Variants in DNAJC5B observed in about 807,000 individuals in gnomAD.
The protein encoded by DNAJC5B is dnaJ homolog subfamily C member 5B.
A neutral mutation model predicts 24.7 loss-of-function variants in DNAJC5B; 23 were observed. The observed-to-expected ratio is 0.93, with a 90% CI of 0.67 to 1.32. The LOEUF (loss-of-function observed/expected upper bound fraction) is 1.32, where lower values mean the gene tolerates loss of function less well. DNAJC5B is among the 40% of genes most tolerant of loss of function. The pLI is 0.00. For missense variants in DNAJC5B, 238 were observed against 240.8 expected (o/e 0.99, Z 0.08); for synonymous variants, 101 against 90.1 (o/e 1.12, Z -0.68).
intron 2 of DNAJC5B, among the ~76,000 whole-genome samples, chr8:66,043,940 C>T (rs975042475): frequency 1.3e-4 from 19 of 151,406 alleles, no homozygotes; most frequent in African/African-American, 4.4e-4. Context: ...GATTCTCCTG[C>T]CTCAGCCTCC....
At chr8:66,090,181 C>A (rs775107174) in intron 5 of DNAJC5B, among the ~76,000 whole-genome samples, 1 of 151,822 alleles carries the variant, frequency 6.6e-6, no homozygotes, top group African/African-American at 2.4e-5. Flanking sequence ...GAGGGCTTTA[C>A]AGACCATCTT....
chr8:66,053,828 C>T (rs1806905165), intron 3 of DNAJC5B, among the ~76,000 whole-genome samples: 1 of 151,948 alleles, frequency 6.6e-6, no homozygotes, highest in African/African-American at 2.4e-5. Context: ...GGGGTTTCTC[C>T]ATGTTGGTCA....
intron 1 of DNAJC5B, among the ~76,000 whole-genome samples, chr8:66,033,230 G>A (rs1021915775): frequency 6.6e-6 from 1 of 152,226 alleles, no homozygotes; most frequent in Non-Finnish European, 1.5e-5. Context: ...GTCGGCACCT[G>A]TTTTGCATAT....
intron 5 of DNAJC5B, among the ~76,000 whole-genome samples, chr8:66,085,369 G>A (rs149873464): frequency 0.033 from 4,973 of 152,274 alleles, 123 homozygotes; most frequent in Middle Eastern, 0.082. Flanking sequence ...GAACCCGGGA[G>A]GCAGAGGTTG....
In DNAJC5B at chr8:66,045,633, C is replaced by A. The variant is rs182702693; in HGVS notation, c.-18+2022C>A. Among the ~76,000 whole-genome samples the A allele has an allele frequency of 8.7e-3, 1,314 of 151,616 alleles. 14 individuals are homozygous for A. The highest frequency in any genetic ancestry group is 0.012 in the Non-Finnish European group (826 of 68,004). On this transcript the variant is annotated intron_variant, in intron 2 of 5. Coordinates refer to ENST00000276570, the MANE Select transcript of DNAJC5B (RefSeq NM_033105.6). ...AAGGCCTGGGGCAGAGAAAGACAGGCTCCAGGCTGTTTCCAGGACTGTTCT... is the reference window on the plus strand; with the variant it reads ...AAGGCCTGGGGCAGAGAAAGACAGGATCCAGGCTGTTTCCAGGACTGTTCT...
chr8:66,038,344 C>G (rs2128957411), intron 1 of DNAJC5B, among the ~76,000 whole-genome samples: 1 of 152,312 alleles, frequency 6.6e-6, no homozygotes, highest in East Asian at 1.9e-4. Context: ...TTTAGCATTT[C>G]TTTCTCTTTC....
At chr8:66,086,131 T>C (rs1177289832) in intron 5 of DNAJC5B, among the ~76,000 whole-genome samples, 2 of 152,206 alleles carry the variant, frequency 1.3e-5, no homozygotes, top group East Asian at 1.9e-4. Flanking sequence ...TATATTGCCT[T>C]TGTATCCCAT....
rs35507342 is a variant in DNAJC5B, at chr8:66,042,597, CTCTTCT to C, written c.-141-869_-141-864del. Among the ~76,000 whole-genome samples, 623 of 144,970 alleles carry C rather than the reference CTCTTCT, an allele frequency of 4.3e-3. 4 individuals are homozygous for C. The highest frequency in any genetic ancestry group is 6.9e-3 in the Middle Eastern group (2 of 288). On this transcript the variant is annotated intron_variant, in intron 1 of 5. Transcript: ENST00000276570. Reference sequence around the variant, plus strand: ...TTGTTTGTGTTTCTTCTTCTTCTTCCTCTTCTTCTTCTTCTTCTTCTTCTTCTCCTT... The same window carrying C: ...TTGTTTGTGTTTCTTCTTCTTCTTCCTCTTCTTCTTCTTCTTCTTCTCCTT...
intron 5 of DNAJC5B, among the ~76,000 whole-genome samples, chr8:66,080,980 C>T (rs1007567567): frequency 6.6e-6 from 1 of 152,070 alleles, no homozygotes; most frequent in African/African-American, 2.4e-5. Context: ...GTCACCAACC[C>T]TTGACTTTGC....
At chr8:66,098,935 T>C (rs1410860981) in intron 5 of DNAJC5B, among the ~76,000 whole-genome samples, 2 of 152,238 alleles carry the variant, frequency 1.3e-5, no homozygotes, top group East Asian at 1.9e-4. Context: ...CTGCTGTTTA[T>C]ATTGGATCTT....
chr8:66,057,180 A>G (rs191981070), intron 3 of DNAJC5B: 83 of 152,292 alleles, frequency 5.5e-4, no homozygotes, highest in African/African-American at 1.9e-3. Flanking sequence ...AAAAAATTCA[A>G]CAAGTAACGA....
chr8:66,040,845 T>C (rs1406394115), intron 1 of DNAJC5B, among the ~76,000 whole-genome samples: 2 of 152,256 alleles, frequency 1.3e-5, no homozygotes, highest in African/African-American at 2.4e-5. Flanking sequence ...TACATGTTTA[T>C]AGATTTCAGC....
upstream of DNAJC5B, among the ~76,000 whole-genome samples, chr8:66,019,444 C>G (rs1283211212): frequency 6.6e-6 from 1 of 152,110 alleles, no homozygotes; most frequent in Non-Finnish European, 1.5e-5. Context: ...AAAGGGATTA[C>G]TTGTGATTTT....
chr8:66,088,823 T>A (rs1054254592), intron 5 of DNAJC5B, among the ~76,000 whole-genome samples: 2 of 152,140 alleles, frequency 1.3e-5, no homozygotes, highest in African/African-American at 4.8e-5. Context: ...ACTTCATTGT[T>A]CATATCACTA....
intron 4 of DNAJC5B, among the ~76,000 whole-genome samples, chr8:66,078,698 T>C (rs998818147): frequency 3.3e-5 from 5 of 152,110 alleles, no homozygotes; most frequent in African/African-American, 7.2e-5. Flanking sequence ...GGTGTTGTAG[T>C]TGTTTACAGA....
intron 5 of DNAJC5B, among the ~76,000 whole-genome samples, chr8:66,097,917 T>C (rs1807988762): frequency 6.6e-6 from 1 of 152,102 alleles, no homozygotes; most frequent in Non-Finnish European, 1.5e-5. Flanking sequence ...TGGCACAATC[T>C]TGGCTCACTG....
rs747425074 is a variant in DNAJC5B at position 66,099,990 on chromosome 8, C to T, written c.559C>T (p.Leu187=). 8 of 1,613,980 alleles carry T rather than the reference C, an allele frequency of 5.0e-6. No homozygotes were observed. Among genetic ancestry groups the T allele is most frequent in the Non-Finnish European group, 5.9e-6 (7 of 1,179,926 alleles). Residue 187 remains leucine (L), a synonymous_variant, in exon 6 of 6, where the codon CTA becomes TTA. Coordinates refer to ENST00000276570, the MANE Select transcript of DNAJC5B (RefSeq NM_033105.6). ...TACAAATGCAAATGAGAAAACACAG[C>T]TAATCAAAGAAGGATCTCGAAGTTA... ...QPTNANEKTQ[L]IKEGSRSYCT... is the part of the protein sequence containing the mutation.
intron 3 of DNAJC5B, among the ~76,000 whole-genome samples, chr8:66,076,227 C>G (rs1039062101): frequency 1.3e-5 from 2 of 152,144 alleles, no homozygotes; most frequent in Non-Finnish European, 2.9e-5. Context: ...CTGAGTTGAA[C>G]TTTTAGAATA....
At chr8:66,050,985 C>T (rs1003476488) in intron 2 of DNAJC5B, among the ~76,000 whole-genome samples, 1 of 152,146 alleles carries the variant, frequency 6.6e-6, no homozygotes, top group African/African-American at 2.4e-5. Flanking sequence ...AAAATCTACT[C>T]CCTAGCGATT....
Sources: allele counts gnomAD v4.1 joint callset (sites outside exome capture counted in the v4.1 genomes callset), GRCh38; gene constraint gnomAD v4.1.1; transcripts MANE v1.5; gene names NCBI Gene and HGNC (gene_info 2026-07-23, HGNC 2026-07-21).